Variants in MACROD2 observed in about 807,000 individuals in gnomAD.
The protein encoded by MACROD2 is ADP-ribose glycohydrolase MACROD2.
In MACROD2, 36 loss-of-function variants were observed where a neutral mutation model predicts 70.4. The ratio of observed to expected loss-of-function variants is 0.51; its 90% CI spans 0.39 to 0.68. The LOEUF (loss-of-function observed/expected upper bound fraction) is 0.68. Ranked by LOEUF, MACROD2 falls within the 30% of genes least tolerant of loss-of-function variation. The pLI is 0.00. For missense variants in MACROD2, 496 were observed against 538.4 expected (o/e 0.92, Z 0.78); for synonymous variants, 172 against 178.8 (o/e 0.96, Z 0.30).
intron 3 of MACROD2, among the ~76,000 whole-genome samples, chr20:14,267,225 T>C (rs563732948): frequency 6.6e-6 from 1 of 152,278 alleles, no homozygotes; most frequent in African/African-American, 2.4e-5. Context: ...AAATAATCTG[T>C]AGTTTGGTAG....
chr20:14,278,307 A>T (rs745919626), intron 3 of MACROD2, among the ~76,000 whole-genome samples: 11 of 152,158 alleles, frequency 7.2e-5, no homozygotes, highest in Non-Finnish European at 1.3e-4. Flanking sequence ...GCACACACTG[A>T]CAACACAGTC....
intron 5 of MACROD2, among the ~76,000 whole-genome samples, chr20:15,147,138 C>T (rs537359231): frequency 3.9e-4 from 60 of 152,132 alleles, no homozygotes; most frequent in Non-Finnish European, 7.1e-4. Flanking sequence ...GAGCCTTACC[C>T]TGGGGGCGGG....
At chr20:15,180,871 A>G (rs985123908) in intron 5 of MACROD2, among the ~76,000 whole-genome samples, 1 of 152,222 alleles carries the variant, frequency 6.6e-6, no homozygotes, top group Non-Finnish European at 1.5e-5. Context: ...TCTAGTTATA[A>G]TCATCATGTT....
rs1340098284 is a variant in MACROD2 at position 15,986,645 on chromosome 20, A to T, written c.986-82A>T. 3 of 1,062,844 alleles carry T rather than the reference A, an allele frequency of 2.8e-6. No homozygotes were observed. In the African/African-American group the frequency reaches 4.7e-5, roughly 17 times the overall value. 65.8% of individuals were successfully genotyped at this position (1,062,844 alleles called of 1,614,324 possible). On this transcript the variant is annotated intron_variant, in intron 13 of 17. Transcript: ENST00000684519. Reference sequence around the variant, plus strand: ...TCTCTATCTCTCCATGCATGATTAAAGCACGGTTTCTGAAGGTCAGGAATA... The same window carrying T: ...TCTCTATCTCTCCATGCATGATTAATGCACGGTTTCTGAAGGTCAGGAATA...
chr20:16,007,791 C>G (rs147040158), intron 15 of MACROD2, among the ~76,000 whole-genome samples: 1 of 152,140 alleles, frequency 6.6e-6, no homozygotes, highest in Non-Finnish European at 1.5e-5. Context: ...CTTTTCCCCT[C>G]TGAGCTGCTC....
intron 8 of MACROD2, among the ~76,000 whole-genome samples, chr20:15,652,627 G>T (rs2049662388): frequency 6.6e-6 from 1 of 151,962 alleles, no homozygotes; most frequent in South Asian, 2.1e-4. Flanking sequence ...CTACATCATG[G>T]ATTTTCAGAT....
chr20:15,240,556 C>G (rs1054737494), intron 6 of MACROD2, among the ~76,000 whole-genome samples: 2 of 151,760 alleles, frequency 1.3e-5, no homozygotes, highest in Non-Finnish European at 1.5e-5. Flanking sequence ...ACCCAGATAC[C>G]CAGTCTAAAA....
chr20:14,243,574 C>T (rs774138815), intron 3 of MACROD2, among the ~76,000 whole-genome samples: 2 of 152,114 alleles, frequency 1.3e-5, no homozygotes, highest in African/African-American at 2.4e-5. Context: ...AACACAGCTC[C>T]GTTATTCACT....
rs566431666 is a variant in MACROD2 at position 14,426,521 on chromosome 20, C to T, written c.272-66958C>T. 7.2e-5 allele frequency among the ~76,000 whole-genome samples: 11 copies of T among 152,148 alleles called. No homozygotes were observed. In the East Asian group the frequency reaches 2.1e-3, roughly 29 times the overall value. ...CATATTAGTGACTTTCCTCAGATGT[C>T]TTGTAGTCTTTTGCTTATCCACTGA... On this transcript the variant is annotated intron_variant, in intron 3 of 17. Coordinates refer to ENST00000684519, the MANE Select transcript of MACROD2 (RefSeq NM_001351661.2).
intron 3 of MACROD2, among the ~76,000 whole-genome samples, chr20:14,160,253 T>A (rs1293376161): frequency 6.6e-6 from 1 of 152,182 alleles, no homozygotes; most frequent in Non-Finnish European, 1.5e-5. Flanking sequence ...TTAGAGATAA[T>A]TCCCTCTGCT....
At chr20:14,843,633 C>T (rs769665180) in intron 5 of MACROD2, among the ~76,000 whole-genome samples, 2 of 152,052 alleles carry the variant, frequency 1.3e-5, no homozygotes, top group Non-Finnish European at 2.9e-5. Context: ...CCTACAAAGG[C>T]AACTGGTAAA....
chr20:15,899,913 T>G (rs1037372966), intron 10 of MACROD2, among the ~76,000 whole-genome samples: 1 of 152,166 alleles, frequency 6.6e-6, no homozygotes, highest in African/African-American at 2.4e-5. Flanking sequence ...TTAAAGTTAT[T>G]ATTATTATTA....
At chr20:15,065,996 C>T (rs1282288041) in intron 5 of MACROD2, among the ~76,000 whole-genome samples, 3 of 152,118 alleles carry the variant, frequency 2.0e-5, no homozygotes, top group Non-Finnish European at 2.9e-5. Flanking sequence ...TTTAGGTTTG[C>T]TCCACATTCT....
chr20:14,244,297 A>T (rs6079371), intron 3 of MACROD2, among the ~76,000 whole-genome samples: 147,573 of 152,194 alleles, frequency 0.97, 71,565 homozygotes, highest in Admixed American at 0.99. Context: ...TCTCAGGCTG[A>T]CAGTGAGCTC....
intron 15 of MACROD2, among the ~76,000 whole-genome samples, chr20:16,005,960 A>T (rs891576228): frequency 6.6e-6 from 1 of 152,152 alleles, no homozygotes; most frequent in African/African-American, 2.4e-5. Context: ...TTCCCATCTC[A>T]TCAAGCATAT....
chr20:15,992,198 A>G (rs1049787039), intron 15 of MACROD2, among the ~76,000 whole-genome samples: 7 of 152,222 alleles, frequency 4.6e-5, no homozygotes, highest in Non-Finnish European at 2.9e-5. Context: ...GTATCTACCC[A>G]GTAAGAAAGT....
intron 8 of MACROD2, among the ~76,000 whole-genome samples, chr20:15,634,621 C>G (rs761953930): frequency 2.0e-5 from 3 of 152,224 alleles, no homozygotes. Flanking sequence ...GCCACAAACT[C>G]TGTGCCAGAC....
intron 8 of MACROD2, among the ~76,000 whole-genome samples, chr20:15,860,145 A>G (rs1951695547): frequency 1.3e-5 from 2 of 152,148 alleles, no homozygotes; most frequent in South Asian, 2.1e-4. Context: ...AAAAAAACAA[A>G]CACACACAAA....
At chr20:14,082,951 C>T (rs867634462) in intron 2 of MACROD2, among the ~76,000 whole-genome samples, 8 of 152,106 alleles carry the variant, frequency 5.3e-5, no homozygotes, top group Non-Finnish European at 8.8e-5. Flanking sequence ...GTCATTGGGT[C>T]AGGTGTTGAC....
Sources: gnomAD v4.1 joint callset for allele counts (sites outside exome capture counted in the v4.1 genomes callset) on GRCh38, gnomAD v4.1.1 for gene constraint, MANE v1.5 for transcripts, NCBI Gene and HGNC (gene_info 2026-07-23, HGNC 2026-07-21) for gene names.